MAN1A2: variants seen among roughly 807,000 people sequenced by gnomAD.
MAN1A2 encodes mannosidase alpha class 1A member 2, also known as mannosyl-oligosaccharide 1,2-alpha-mannosidase IB.
MAN1A2 carries 26 observed loss-of-function variants against 75.7 expected under a neutral mutation model. The observed-to-expected ratio is 0.34, with a 90% confidence interval of 0.25 to 0.48. The LOEUF (loss-of-function observed/expected upper bound fraction) is 0.48, where lower values mean the gene tolerates loss of function less well. Ranked by LOEUF, MAN1A2 falls within the 20% of genes least tolerant of loss-of-function variation. MAN1A2 has a pLI of 0.99. For synonymous variants in MAN1A2, 247 were observed against 264.6 expected, an observed-to-expected ratio of 0.93 and a Z score of 0.65; for missense variants, 562 against 775.5, an observed-to-expected ratio of 0.72 and a Z score of 3.27.
chr1:117,483,827 A>G (rs1033337009), intron 8 of MAN1A2, among the ~76,000 whole-genome samples: 2 of 152,012 alleles, frequency 1.3e-5, no homozygotes, highest in Non-Finnish European at 2.9e-5. Context: ...TTCAAAGGGA[A>G]TGCTTCCAGT....
At chr1:117,398,866 G>A (rs982211091) in intron 1 of MAN1A2, among the ~76,000 whole-genome samples, 2 of 152,108 alleles carry the variant, frequency 1.3e-5, no homozygotes, top group African/African-American at 4.8e-5. Context: ...GGCATAGTCT[G>A]AATAATTTCA....
chr1:117,403,589 A>G (rs1483591086), intron 2 of MAN1A2, among the ~76,000 whole-genome samples: 1 of 152,230 alleles, frequency 6.6e-6, no homozygotes, highest in Non-Finnish European at 1.5e-5. Context: ...CACGGAACTC[A>G]GCATATAGAA....
intron 9 of MAN1A2, among the ~76,000 whole-genome samples, chr1:117,496,410 G>A (rs989295310): frequency 2.6e-5 from 4 of 151,898 alleles, no homozygotes; most frequent in Non-Finnish European, 5.9e-5. Context: ...GTTCCAGTAG[G>A]GTAGACAGTG....
At chr1:117,406,710 AT>A (rs1317184022) in intron 3 of MAN1A2, among the ~76,000 whole-genome samples, 1 of 152,056 alleles carries the variant, frequency 6.6e-6, no homozygotes, top group African/African-American at 2.4e-5. Context: ...AATAAAGTAT[AT>A]TTTCTTAACA....
chr1:117,445,874 C>CATATATATATA (rs1649213448), intron 6 of MAN1A2, among the ~76,000 whole-genome samples: 1 of 93,686 alleles, frequency 1.1e-5, no homozygotes, highest in Non-Finnish European at 2.2e-5. Context: ...GTGTGTGTGT[C>CATATATATATA]TGTGTGTGTG....
At chr1:117,463,120 A>T (rs1169943456) in intron 7 of MAN1A2, among the ~76,000 whole-genome samples, 1 of 150,730 alleles carries the variant, frequency 6.6e-6, no homozygotes, top group East Asian at 1.9e-4. Flanking sequence ...TAATTATGTT[A>T]AAAATTATTT....
rs1652075472 is a variant in MAN1A2, at chr1:117,528,192, T to A, written c.*5235T>A. The A allele has an allele frequency of 6.6e-6, 1 of 152,068 alleles. No individual in the cohort carries two copies. Among genetic ancestry groups the A allele is most frequent in the African/African-American group, 2.4e-5 (1 of 41,438 alleles). 9.4% of individuals were successfully genotyped at this position (152,068 alleles called of 1,614,324 possible). The stretch of plus-strand genomic sequence containing the variant: ...GAACTCATAAAATTGCTTGTGAAAT[T>A]ACACACCATATTACTAGCATATACA... On this transcript the variant is annotated 3_prime_UTR_variant, in exon 13 of 13. Coordinates refer to ENST00000356554, the MANE Select transcript of MAN1A2 (RefSeq NM_006699.5).
At chr1:117,394,286 A>G (rs185864140) in intron 1 of MAN1A2, among the ~76,000 whole-genome samples, 24 of 152,002 alleles carry the variant, frequency 1.6e-4, no homozygotes, top group African/African-American at 4.6e-4. Flanking sequence ...GTTTCACCGT[A>G]TTAGCCAGGA....
chr1:117,391,237 C>T (rs989584224), intron 1 of MAN1A2, among the ~76,000 whole-genome samples: 2 of 152,102 alleles, frequency 1.3e-5, no homozygotes, highest in Admixed American at 6.6e-5. Flanking sequence ...TGTATTGGTA[C>T]ATGTTCCGTT....
At chr1:117,452,617 C>T (rs1016294657) in intron 6 of MAN1A2, among the ~76,000 whole-genome samples, 11 of 152,192 alleles carry the variant, frequency 7.2e-5, no homozygotes, top group Non-Finnish European at 1.2e-4. Context: ...ACTCTCTTCA[C>T]GTCTGTGAAT....
At chr1:117,473,958 G>C (rs1167373893) in intron 8 of MAN1A2, among the ~76,000 whole-genome samples, 1 of 151,962 alleles carries the variant, frequency 6.6e-6, no homozygotes, top group African/African-American at 2.4e-5. Flanking sequence ...GAACATTAAT[G>C]AAGGAGTTAT....
At chr1:117,428,085 C>T (rs929346749) in intron 5 of MAN1A2, among the ~76,000 whole-genome samples, 5 of 144,614 alleles carry the variant, frequency 3.5e-5, no homozygotes, top group African/African-American at 1.3e-4. Context: ...AATAAATAAA[C>T]TGTAAATCTC....
chr1:117,520,029 C>G (rs1403129510), intron 12 of MAN1A2, among the ~76,000 whole-genome samples: 1 of 152,014 alleles, frequency 6.6e-6, no homozygotes, highest in African/African-American at 2.4e-5. Context: ...TTAACATATG[C>G]AAGTCAATAA....
intron 1 of MAN1A2, among the ~76,000 whole-genome samples, chr1:117,397,661 T>G (rs1406201518): frequency 6.7e-6 from 1 of 148,184 alleles, no homozygotes; most frequent in Non-Finnish European, 1.5e-5. Flanking sequence ...TTTTTTTTTT[T>G]TTTTTGGAGA....
At chr1:117,455,648 A>T (rs913138642) in intron 6 of MAN1A2, among the ~76,000 whole-genome samples, 1 of 152,134 alleles carries the variant, frequency 6.6e-6, no homozygotes, top group Non-Finnish European at 1.5e-5. Context: ...AATTAAAATT[A>T]GAAGAGACCA....
intron 8 of MAN1A2, among the ~76,000 whole-genome samples, chr1:117,477,014 C>T (rs1480581596): frequency 1.3e-5 from 2 of 151,818 alleles, no homozygotes; most frequent in African/African-American, 2.4e-5. Context: ...TCGATTTGTT[C>T]GTGTCCTTTC....
rs187757698 is a variant in MAN1A2 at position 117,465,768 on chromosome 1, A to G, written c.1075-566A>G. On this transcript the variant is annotated intron_variant, in intron 7 of 12. Coordinates refer to ENST00000356554, the MANE Select transcript of MAN1A2 (RefSeq NM_006699.5). Reference sequence around the variant, plus strand: ...AGTCTCCAGCTTCTTAATATATTTCATGATTTTTCTTTCCCCCTTACTCTC... The same window carrying G: ...AGTCTCCAGCTTCTTAATATATTTCGTGATTTTTCTTTCCCCCTTACTCTC... Among the ~76,000 whole-genome samples the G allele has an allele frequency of 3.7e-3, 561 of 152,248 alleles. 6 individuals are homozygous for G. Among genetic ancestry groups the G allele is most frequent in the African/African-American group, 0.013 (532 of 41,562 alleles).
intron 5 of MAN1A2, among the ~76,000 whole-genome samples, chr1:117,434,395 A>G (rs1648782769): frequency 1.3e-5 from 2 of 152,236 alleles, no homozygotes; most frequent in Admixed American, 6.5e-5. Context: ...TTGTTAGAAT[A>G]TAAATTGATA....
In MAN1A2 at chr1:117,367,646, T is replaced by G. The variant is rs1178071271; in HGVS notation, c.-538T>G. Reference sequence around the variant, plus strand: ...TGCTACTTCGCCCAGCGCCGCTGCTTCGGCTTCCCAGCGAAGTGGGAGACC... The same window carrying G: ...TGCTACTTCGCCCAGCGCCGCTGCTGCGGCTTCCCAGCGAAGTGGGAGACC... On this transcript the variant is annotated 5_prime_UTR_variant, in exon 1 of 13. Coordinates refer to ENST00000356554, the MANE Select transcript of MAN1A2 (RefSeq NM_006699.5). 1 of 152,364 alleles carries G rather than the reference T, an allele frequency of 6.6e-6. No homozygotes were observed. Among genetic ancestry groups the G allele is most frequent in the African/African-American group, 2.4e-5 (1 of 41,470 alleles). The allele number at this position is 152,364 out of a possible 1,614,324, so 9.4% of individuals were successfully genotyped here. A position where few individuals can be genotyped will look rare whatever the true frequency, so the allele number is the denominator to read the frequency against.
Sources: gnomAD v4.1 joint callset for allele counts (sites outside exome capture counted in the v4.1 genomes callset) on GRCh38, gnomAD v4.1.1 for gene constraint, MANE v1.5 for transcripts, NCBI Gene and HGNC (gene_info 2026-07-23, HGNC 2026-07-21) for gene names.